The following FRMPD4 variants were observed in gnomAD, a reference collection of about 807,000 sequenced individuals.
The protein encoded by FRMPD4 is FERM and PDZ domain containing 4, also known as FERM and PDZ domain-containing protein 4.
FRMPD4 carries 22 observed loss-of-function variants against 94.1 expected under a neutral mutation model. The ratio of observed to expected loss-of-function variants is 0.23; its 90% confidence interval spans 0.17 to 0.33. FRMPD4 has a LOEUF of 0.33. FRMPD4 is among the 10% of genes least tolerant of loss of function. FRMPD4 has a pLI of 1.00. For synonymous variants in FRMPD4, 631 were observed against 548.6 expected, an observed-to-expected ratio of 1.15 and a Z score of -2.10; for missense variants, 1,111 against 1,339.9, an observed-to-expected ratio of 0.83 and a Z score of 2.67.
chrX:11,867,290 T>C (rs1238420620), intron 2 of FRMPD4, among the ~76,000 whole-genome samples: 2 of 112,124 alleles, frequency 1.8e-5, no homozygotes, highest in Non-Finnish European at 3.8e-5. Context: ...TAAAGTCTAC[T>C]ATTTTCTTGC....
intron 2 of FRMPD4, among the ~76,000 whole-genome samples, chrX:12,562,983 G>A (rs1001493518): frequency 1.8e-5 from 2 of 110,930 alleles, no homozygotes; most frequent in African/African-American, 6.6e-5. Flanking sequence ...AAAACTTGGA[G>A]CTCAGTATGT....
chrX:12,260,992 A>G (rs773600315), intron 1 of FRMPD4, among the ~76,000 whole-genome samples: 1 of 111,450 alleles, frequency 9.0e-6, no homozygotes, highest in Non-Finnish European at 1.9e-5. Flanking sequence ...TTATCTTTAC[A>G]CTTACAATGG....
chrX:12,690,539 T>C (rs780807071), intron 8 of FRMPD4, among the ~76,000 whole-genome samples: 1 of 112,410 alleles, frequency 8.9e-6, no homozygotes, highest in South Asian at 3.7e-4. Flanking sequence ...GTCTCACAAC[T>C]AGATTTGTCA....
chrX:12,529,353 A>G (rs966908445), intron 2 of FRMPD4, among the ~76,000 whole-genome samples: 4 of 112,690 alleles, frequency 3.5e-5, no homozygotes, highest in Non-Finnish European at 7.5e-5. Context: ...GCTAGCAAGT[A>G]GCAAGATGAA....
At chrX:11,980,535 A>G (rs1419098574) in intron 3 of FRMPD4, among the ~76,000 whole-genome samples, 1 of 111,643 alleles carries the variant, frequency 9.0e-6, no homozygotes, top group Non-Finnish European at 1.9e-5. Flanking sequence ...AGCTGAATAA[A>G]TTAGGTTGTT....
At chrX:12,463,225 C>G (rs2057409112) in intron 1 of FRMPD4, among the ~76,000 whole-genome samples, 1 of 111,209 alleles carries the variant, frequency 9.0e-6, no homozygotes, top group Non-Finnish European at 1.9e-5. Context: ...TCTCATGGTT[C>G]CCTTGTTTTG....
rs900769927 is a variant in FRMPD4 at position 12,302,668 on chromosome X, A to T, written c.41+163656A>T. On this transcript the variant is annotated intron_variant, in intron 1 of 16. Coordinates refer to ENST00000675598, the MANE Select transcript of FRMPD4 (RefSeq NM_001368397.1). Reference sequence around the variant, plus strand: ...CTTATACTTGGGTCATGTGTTGCCTACCTTCTGATAAGCTTAAGAAATGTG... The same window carrying T: ...CTTATACTTGGGTCATGTGTTGCCTTCCTTCTGATAAGCTTAAGAAATGTG... Among the ~76,000 whole-genome samples, 4 of 111,772 alleles carry T rather than the reference A, an allele frequency of 3.6e-5. No individual in the cohort carries two copies. In the Admixed American group the frequency reaches 3.8e-4, roughly 11 times the overall value.
chrX:12,427,706 T>C (rs1344544211), intron 1 of FRMPD4, among the ~76,000 whole-genome samples: 2 of 110,880 alleles, frequency 1.8e-5, no homozygotes, highest in Non-Finnish European at 3.8e-5. Flanking sequence ...CAAAAATCTG[T>C]TACCTCCTCC....
rs757433038 is a variant in FRMPD4 at position 12,166,921 on chromosome X, G to A, written c.41+27909G>A. Among the ~76,000 whole-genome samples the A allele has an allele frequency of 4.0e-3, 446 of 110,670 alleles. 2 individuals are homozygous for A. The highest frequency in any genetic ancestry group is 0.014 in the Middle Eastern group (3 of 218). On this transcript the variant is annotated intron_variant, in intron 1 of 16. Transcript: ENST00000675598. ...TATCCCCTTTATCATTTTTTATTGC[G>A]TCTATTTGATTCTTCTCTCTTTTTT...
intron 3 of FRMPD4, among the ~76,000 whole-genome samples, chrX:12,125,547 C>T (rs1473887951): frequency 1.8e-5 from 2 of 110,590 alleles, no homozygotes; most frequent in Non-Finnish European, 3.8e-5. Flanking sequence ...TTTTAATCCC[C>T]CCCGGTCCTT....
chrX:12,680,049 G>C (rs780339947), intron 5 of FRMPD4, among the ~76,000 whole-genome samples: 2 of 111,670 alleles, frequency 1.8e-5, no homozygotes, highest in African/African-American at 3.3e-5. Context: ...TACAGCTCTA[G>C]GAATTGCAAG....
At chrX:12,616,091 G>A (rs2059233964) in intron 4 of FRMPD4, among the ~76,000 whole-genome samples, 2 of 111,271 alleles carry the variant, frequency 1.8e-5, no homozygotes, top group South Asian at 3.9e-4. Flanking sequence ...GGAATGGTTG[G>A]TCACTGCTAT....
intron 3 of FRMPD4, among the ~76,000 whole-genome samples, chrX:11,897,772 G>A (rs2053912142): frequency 8.9e-6 from 1 of 111,964 alleles, no homozygotes; most frequent in African/African-American, 3.3e-5. Flanking sequence ...CCTGGGGCTT[G>A]CATTATAGTG....
chrX:11,948,345 A>T (rs1474658630), intron 3 of FRMPD4, among the ~76,000 whole-genome samples: 1 of 110,939 alleles, frequency 9.0e-6, no homozygotes, highest in Non-Finnish European at 1.9e-5. Context: ...GTGCCCTTAT[A>T]TGAGGGGCCC....
At chrX:12,013,102 A>G (rs2054588851) in intron 3 of FRMPD4, among the ~76,000 whole-genome samples, 1 of 112,240 alleles carries the variant, frequency 8.9e-6, no homozygotes, top group East Asian at 2.8e-4. Context: ...TCTCTGGTTC[A>G]GAGGGAGTCA....
At chrX:12,049,325 T>C (rs187597610) in intron 3 of FRMPD4, among the ~76,000 whole-genome samples, 15 of 112,214 alleles carry the variant, frequency 1.3e-4, no homozygotes, top group Admixed American at 7.6e-4. Context: ...CTGATTTTTG[T>C]GCATTGATTT....
chrX:12,654,581 A>G (rs2059633212), intron 4 of FRMPD4, among the ~76,000 whole-genome samples: 1 of 112,156 alleles, frequency 8.9e-6, no homozygotes, highest in Admixed American at 9.5e-5. Context: ...TGTGAATCTG[A>G]CACATAATAG....
intron 1 of FRMPD4, among the ~76,000 whole-genome samples, chrX:12,417,301 C>T (rs959612483): frequency 4.5e-5 from 5 of 110,820 alleles, no homozygotes; most frequent in African/African-American, 9.8e-5. Context: ...AGTTTTGGCC[C>T]GGTGCGGTAG....
intron 1 of FRMPD4, among the ~76,000 whole-genome samples, chrX:12,241,528 T>A (rs1185399774): frequency 8.9e-6 from 1 of 112,116 alleles, no homozygotes; most frequent in African/African-American, 3.2e-5. Flanking sequence ...GACCCCTGAC[T>A]GGGGCGGCTA....
Sources: allele counts gnomAD v4.1 joint callset (sites outside exome capture counted in the v4.1 genomes callset), GRCh38; gene constraint gnomAD v4.1.1; transcripts MANE v1.5; gene names NCBI Gene and HGNC (gene_info 2026-07-23, HGNC 2026-07-21).